SUGCT: variants seen among roughly 807,000 people sequenced by gnomAD.
SUGCT encodes succinyl-CoA:glutarate CoA-transferase.
A neutral mutation model predicts 55.0 loss-of-function variants in SUGCT; 41 were observed. That is an observed-to-expected ratio of 0.74 (90% confidence interval 0.58 to 0.97). The LOEUF (loss-of-function observed/expected upper bound fraction) is 0.97, where lower values mean the gene tolerates loss of function less well. SUGCT is among the 50% of genes least tolerant of loss of function. SUGCT has a pLI of 0.00. For synonymous variants in SUGCT, 187 were observed against 200.4 expected, an observed-to-expected ratio of 0.93 and a Z score of 0.56; for missense variants, 568 against 547.8, an observed-to-expected ratio of 1.04 and a Z score of -0.37.
chr7:40,163,166 C>G (rs1784259850), intron 1 of SUGCT, among the ~76,000 whole-genome samples: 1 of 152,108 alleles, frequency 6.6e-6, no homozygotes, highest in Non-Finnish European at 1.5e-5. Context: ...AACATAATTG[C>G]AAGAGAAGCT....
At chr7:40,842,411 C>T (rs1423437983) in intron 13 of SUGCT, among the ~76,000 whole-genome samples, 1 of 152,096 alleles carries the variant, frequency 6.6e-6, no homozygotes, top group Non-Finnish European at 1.5e-5. Flanking sequence ...TTGCATGGTT[C>T]ATGGAGTCTT....
chr7:40,570,850 CTTTTTTTTTTTTTTTT>C (rs776733346), intron 12 of SUGCT, among the ~76,000 whole-genome samples: 1 of 52,262 alleles, frequency 1.9e-5, no homozygotes, highest in African/African-American at 8.7e-5. Context: ...GCTTTAGGCT[CTTTTTTTTTTTTTTTT>C]TTTTTTTTTT....
Position 40,512,985 on chromosome 7 carries a change from T to A in SUGCT, c.1089+16599T>A, listed in dbSNP as rs532534051. Among the ~76,000 whole-genome samples the A allele has an allele frequency of 3.3e-5, 5 of 152,318 alleles. No homozygotes were observed. The South Asian group carries it at 8.3e-4, about 25-fold the overall frequency. ...TCATACCAGCAGGAGAGGATTCTGCTGATCCTGAGTATCAATATCCTTCTG... is the reference window on the plus strand; with the variant it reads ...TCATACCAGCAGGAGAGGATTCTGCAGATCCTGAGTATCAATATCCTTCTG... On this transcript the variant is annotated intron_variant, in intron 12 of 13. Transcript: ENST00000335693.
intron 13 of SUGCT, among the ~76,000 whole-genome samples, chr7:40,799,953 A>G (rs778149778): frequency 1.3e-5 from 2 of 152,164 alleles, no homozygotes; most frequent in Non-Finnish European, 2.9e-5. Context: ...TTTATTCAGA[A>G]TCTTTTTGTA....
chr7:40,268,490 G>T (rs566294342), intron 7 of SUGCT, among the ~76,000 whole-genome samples: 2 of 151,956 alleles, frequency 1.3e-5, no homozygotes, highest in African/African-American at 4.8e-5. Context: ...TTTCTTTTTT[G>T]TTGCCTAAAA....
chr7:40,170,254 C>T (rs1249848608), intron 1 of SUGCT, among the ~76,000 whole-genome samples: 1 of 152,132 alleles, frequency 6.6e-6, no homozygotes, highest in Non-Finnish European at 1.5e-5. Context: ...GCTGCAGTTA[C>T]GGCGGCACTT....
At chr7:40,898,484 G>GGGGGC in the SUGCT span, among the ~76,000 whole-genome samples, 566 of 106,172 alleles carry the variant, frequency 5.3e-3, 92 homozygotes, top group Non-Finnish European at 7.8e-3. Flanking sequence ...GGAGGTCGGG[G>GGGGGC]GGGGGGGGGG....
chr7:40,770,610 C>G (rs2128727431), intron 13 of SUGCT, among the ~76,000 whole-genome samples: 1 of 152,264 alleles, frequency 6.6e-6, no homozygotes, highest in South Asian at 2.1e-4. Flanking sequence ...ACTTAGTCAC[C>G]TGCACAGGGG....
Position 40,698,601 on chromosome 7 carries a change from A to T in SUGCT, c.1090-50833A>T, listed in dbSNP as rs369603313. 2.2e-4 allele frequency among the ~76,000 whole-genome samples: 33 copies of T among 152,324 alleles called. 1 individual carries two copies. The East Asian group carries it at 5.6e-3, about 26-fold the overall frequency. The stretch of plus-strand genomic sequence containing the variant: ...ATCAGGCTATCAACACAGTCTATTG[A>T]AATAGCTTACTTTTTTCTTTTGGTC... On this transcript the variant is annotated intron_variant, in intron 12 of 13. Transcript: ENST00000335693.
Position 40,470,384 on chromosome 7 carries a change from C to T in SUGCT, c.986+11186C>T, listed in dbSNP as rs146754537. 2.7e-3 allele frequency among the ~76,000 whole-genome samples: 404 copies of T among 152,082 alleles called. 2 individuals are homozygous for T. Among genetic ancestry groups the T allele is most frequent in the African/African-American group, 8.7e-3 (363 of 41,492 alleles). ...ATCAACTGATGTTTCTAGTAAGGGC[C>T]GACACCACCTCTCTCCCAGTGCTGA... On this transcript the variant is annotated intron_variant, in intron 11 of 13. Transcript: ENST00000335693.
intron 12 of SUGCT, among the ~76,000 whole-genome samples, chr7:40,654,782 A>G (rs987432454): frequency 6.6e-6 from 1 of 152,156 alleles, no homozygotes; most frequent in Non-Finnish European, 1.5e-5. Flanking sequence ...TTCTGAAATC[A>G]TCTTTAGATG....
chr7:40,603,646 A>T (rs1379746931), intron 12 of SUGCT, among the ~76,000 whole-genome samples: 1 of 152,206 alleles, frequency 6.6e-6, no homozygotes, highest in African/African-American at 2.4e-5. Context: ...AGCATTGTTC[A>T]AGGCATGAGG....
intron 7 of SUGCT, among the ~76,000 whole-genome samples, chr7:40,265,753 G>A (rs780216642): frequency 6.6e-6 from 1 of 152,030 alleles, no homozygotes; most frequent in East Asian, 1.9e-4. Context: ...CCATGAGATC[G>A]AGACCAGGCC....
intron 5 of SUGCT, among the ~76,000 whole-genome samples, chr7:40,191,109 T>G (rs1340276492): frequency 6.6e-6 from 1 of 152,114 alleles, no homozygotes; most frequent in Non-Finnish European, 1.5e-5. Context: ...CTTTGCCTCC[T>G]GGTTTCAAGC....
chr7:40,874,615 C>T, the SUGCT span, among the ~76,000 whole-genome samples: 10 of 152,074 alleles, frequency 6.6e-5, no homozygotes, highest in African/African-American at 1.2e-4. Flanking sequence ...GATATGAGCA[C>T]GTAAGAATTT....
rs571111542 is a variant in SUGCT, at chr7:40,335,046, A to G, written c.816+18191A>G. ...ATTTCTTGTTTTTCTCAGGTTTGTC[A>G]AAGATCAGATGGTTGTAGATGTGTG... On this transcript the variant is annotated intron_variant, in intron 9 of 13. Transcript: ENST00000335693. Among the ~76,000 whole-genome samples, 1,144 of 152,304 alleles carry G rather than the reference A, an allele frequency of 7.5e-3. 7 individuals carry two copies. Among genetic ancestry groups the G allele is most frequent in the South Asian group, 0.013 (61 of 4,826 alleles).
chr7:40,332,283 T>C (rs1001887938), intron 9 of SUGCT, among the ~76,000 whole-genome samples: 17 of 152,184 alleles, frequency 1.1e-4, no homozygotes, highest in Admixed American at 9.2e-4. Context: ...CTTGATAATA[T>C]GCCACTGATG....
At chr7:40,596,241 G>A (rs368712911) in intron 12 of SUGCT, among the ~76,000 whole-genome samples, 1 of 151,996 alleles carries the variant, frequency 6.6e-6, no homozygotes, top group Non-Finnish European at 1.5e-5. Context: ...GTTATAAAAG[G>A]ATTCTTTGTA....
At chr7:40,767,128 A>G (rs1184179826) in intron 13 of SUGCT, among the ~76,000 whole-genome samples, 2 of 152,184 alleles carry the variant, frequency 1.3e-5, no homozygotes, top group Non-Finnish European at 2.9e-5. Context: ...ATCTTTTGCA[A>G]AGGAAGAGAA....
Sources: allele counts gnomAD v4.1 joint callset (sites outside exome capture counted in the v4.1 genomes callset), GRCh38; gene constraint gnomAD v4.1.1; transcripts MANE v1.5; gene names NCBI Gene and HGNC (gene_info 2026-07-23, HGNC 2026-07-21).